ANO2: variants seen among roughly 807,000 people sequenced by gnomAD.
ANO2 encodes anoctamin-2.
A neutral mutation model predicts 124.2 loss-of-function variants in ANO2; 101 were observed. The ratio of observed to expected loss-of-function variants is 0.81; its 90% CI spans 0.69 to 0.96. ANO2 has a LOEUF of 0.96. Ranked by LOEUF, ANO2 falls within the 40% of genes least tolerant of loss-of-function variation. The probability of loss-of-function intolerance (pLI) is 0.00; values close to 1 mark genes in which losing one functional copy is unlikely to be tolerated. For synonymous variants in ANO2, 486 were observed against 482.5 expected, an observed-to-expected ratio of 1.01 and a Z score of -0.09; for missense variants, 1,293 against 1,274.5, an observed-to-expected ratio of 1.01 and a Z score of -0.22.
chr12:5,746,972 A>G (rs1237711253), intron 11 of ANO2, among the ~76,000 whole-genome samples: 1 of 152,240 alleles, frequency 6.6e-6, no homozygotes, highest in Non-Finnish European at 1.5e-5. Flanking sequence ...CACGCATGGA[A>G]GTATTACTTA....
chr12:5,767,493 G>T (rs182612803), intron 10 of ANO2, among the ~76,000 whole-genome samples: 1 of 152,196 alleles, frequency 6.6e-6, no homozygotes, highest in African/African-American at 2.4e-5. Context: ...GAGTATTGGA[G>T]AGAAAGAAAG....
At chr12:5,740,207 T>G (rs1279031503) in intron 12 of ANO2, 5 of 309,972 alleles carry the variant, frequency 1.6e-5, no homozygotes, top group Non-Finnish European at 2.5e-5. Flanking sequence ...TCAGATTCCC[T>G]CCTTTGAAAA....
At chr12:5,611,422 C>T (rs1403330919) in intron 19 of ANO2, among the ~76,000 whole-genome samples, 2 of 152,136 alleles carry the variant, frequency 1.3e-5, no homozygotes, top group Non-Finnish European at 2.9e-5. Context: ...AGACAAGGGC[C>T]GTTTCATCTA....
At chr12:5,677,248 T>G (rs1174023576) in intron 14 of ANO2, among the ~76,000 whole-genome samples, 1 of 151,980 alleles carries the variant, frequency 6.6e-6, no homozygotes, top group Non-Finnish European at 1.5e-5. Flanking sequence ...AAGCATAAAT[T>G]GCTGTCACAA....
chr12:5,775,576 C>G (rs568472857), intron 10 of ANO2, among the ~76,000 whole-genome samples: 6 of 151,822 alleles, frequency 4.0e-5, no homozygotes, highest in Non-Finnish European at 8.8e-5. Flanking sequence ...ATTCTCCTGC[C>G]TCAGCCTCCT....
intron 10 of ANO2, among the ~76,000 whole-genome samples, chr12:5,796,633 G>C (rs79530043): frequency 0.047 from 7,181 of 152,294 alleles, 236 homozygotes; most frequent in African/African-American, 0.089. Context: ...GAGGAGAGCC[G>C]TGCGGGGCTG....
chr12:5,864,029 G>A (rs1955352649), intron 3 of ANO2, among the ~76,000 whole-genome samples: 1 of 152,132 alleles, frequency 6.6e-6, no homozygotes, highest in South Asian at 2.1e-4. Context: ...TAGGCACTGT[G>A]AAATCTCTGC....
intron 6 of ANO2, among the ~76,000 whole-genome samples, chr12:5,828,723 A>G (rs1435598080): frequency 2.0e-5 from 3 of 152,166 alleles, no homozygotes; most frequent in Non-Finnish European, 4.4e-5. Context: ...GGTGCTTCCC[A>G]CAAAAGAATC....
At chr12:5,709,382 T>C (rs1039010735) in intron 14 of ANO2, among the ~76,000 whole-genome samples, 3 of 152,266 alleles carry the variant, frequency 2.0e-5, no homozygotes, top group Non-Finnish European at 2.9e-5. Context: ...TTCCAGATCA[T>C]GCCTTTGAGA....
intron 3 of ANO2, among the ~76,000 whole-genome samples, chr12:5,894,919 T>C (rs932563593): frequency 2.6e-5 from 4 of 152,218 alleles, no homozygotes; most frequent in Non-Finnish European, 4.4e-5. Context: ...TGAAGTCAGG[T>C]AGTGTGATGC....
chr12:5,754,244 C>A (rs1951516481), intron 10 of ANO2, among the ~76,000 whole-genome samples: 1 of 152,098 alleles, frequency 6.6e-6, no homozygotes, highest in Admixed American at 6.5e-5. Flanking sequence ...GTTGAACCAT[C>A]CTTGTATCCC....
intron 10 of ANO2, among the ~76,000 whole-genome samples, chr12:5,782,423 T>C (rs1470312685): frequency 6.6e-6 from 1 of 152,224 alleles, no homozygotes; most frequent in African/African-American, 2.4e-5. Context: ...TTTAGACCAT[T>C]TATACTTAAT....
chr12:5,923,176 ACACACACATACACACACACGCACG>A (rs1260611083), intron 1 of ANO2, among the ~76,000 whole-genome samples: 2 of 45,796 alleles, frequency 4.4e-5, no homozygotes, highest in African/African-American at 2.0e-4. Flanking sequence ...ACACACACGC[ACACACACATACACACACACGCACG>A]CACACACACC....
intron 10 of ANO2, among the ~76,000 whole-genome samples, chr12:5,783,584 A>G (rs900168995): frequency 3.3e-5 from 5 of 152,222 alleles, no homozygotes; most frequent in Non-Finnish European, 4.4e-5. Flanking sequence ...CATTCCCATG[A>G]ATACTCCTGC....
intron 10 of ANO2, among the ~76,000 whole-genome samples, chr12:5,758,927 T>G (rs1039384436): frequency 3.9e-5 from 6 of 152,190 alleles, no homozygotes; most frequent in Non-Finnish European, 2.9e-5. Context: ...AATAGGGATT[T>G]TTAAATAACT....
intron 16 of ANO2, among the ~76,000 whole-genome samples, chr12:5,625,520 T>C (rs995549225): frequency 5.3e-5 from 8 of 152,104 alleles, no homozygotes; most frequent in Admixed American, 2.0e-4. Flanking sequence ...GCACCAGGTT[T>C]GGAGGAAAAA....
rs114777186 is a variant in ANO2, at chr12:5,564,960, C to A, written c.2727+598G>T. Among the ~76,000 whole-genome samples, 633 of 152,232 alleles carry A rather than the reference C, an allele frequency of 4.2e-3. 4 individuals are homozygous for A. Among genetic ancestry groups the A allele is most frequent in the African/African-American group, 0.014 (576 of 41,544 alleles). On this transcript the variant is annotated intron_variant, in intron 24 of 24. Transcript: ENST00000682330. The stretch of plus-strand genomic sequence containing the variant: ...GCCCTGCTTGAAGACCGGGGGCACC[C>A]AGAGTGGGAATTGGGGGCCCTCGAG...
At chr12:5,704,594 A>G (rs1012804826) in intron 14 of ANO2, among the ~76,000 whole-genome samples, 4 of 152,020 alleles carry the variant, frequency 2.6e-5, no homozygotes, top group African/African-American at 9.7e-5. Context: ...TTCTTCCCCA[A>G]AGAATCTGAA....
chr12:5,682,131 G>A (rs1343007911), intron 14 of ANO2, among the ~76,000 whole-genome samples: 1 of 152,092 alleles, frequency 6.6e-6, no homozygotes, highest in Non-Finnish European at 1.5e-5. Flanking sequence ...CCTAAGATCT[G>A]TTTCTCTCAT....
Sources: allele counts gnomAD v4.1 joint callset (sites outside exome capture counted in the v4.1 genomes callset), GRCh38; gene constraint gnomAD v4.1.1; transcripts MANE v1.5; gene names NCBI Gene and HGNC (gene_info 2026-07-23, HGNC 2026-07-21).